TAFA1: variants seen among roughly 807,000 people sequenced by gnomAD.
The protein encoded by TAFA1 is chemokine-like protein TAFA-1.
In TAFA1, 4 loss-of-function variants were observed where a neutral mutation model predicts 18.5. The observed-to-expected ratio is 0.22, with a 90% CI of 0.11 to 0.49. The LOEUF (loss-of-function observed/expected upper bound fraction) is 0.49, where lower values mean the gene tolerates loss of function less well. TAFA1 is among the 20% of genes least tolerant of loss of function. The pLI, the probability that TAFA1 is intolerant of heterozygous loss-of-function variation, is 0.98. For missense variants in TAFA1, 147 were observed against 169.0 expected, an observed-to-expected ratio of 0.87 and a Z score of 0.72; for synonymous variants, 56 against 55.2, an observed-to-expected ratio of 1.01 and a Z score of -0.06.
At chr3:68,477,080 C>A (rs2072112800) in intron 3 of TAFA1, among the ~76,000 whole-genome samples, 1 of 152,090 alleles carries the variant, frequency 6.6e-6, no homozygotes, top group African/African-American at 2.4e-5. Flanking sequence ...CTGCTGCATT[C>A]CCCCAAGGGT....
chr3:68,080,177 T>A (rs2064878639), intron 2 of TAFA1, among the ~76,000 whole-genome samples: 1 of 152,224 alleles, frequency 6.6e-6, no homozygotes, highest in Non-Finnish European at 1.5e-5. Flanking sequence ...TAGATCTTCC[T>A]CCATCCTTTT....
chr3:68,517,395 G>GC (rs2072939603), intron 3 of TAFA1, among the ~76,000 whole-genome samples: 1 of 152,012 alleles, frequency 6.6e-6, no homozygotes, highest in South Asian at 2.1e-4. Flanking sequence ...TGTTTTAGAA[G>GC]TCAGATGGAG....
At chr3:68,036,331 C>G (rs1270671390) in intron 2 of TAFA1, among the ~76,000 whole-genome samples, 2 of 150,848 alleles carry the variant, frequency 1.3e-5, no homozygotes, top group African/African-American at 2.4e-5. Context: ...CCCAGCTACT[C>G]AGGAGGCTGA....
rs114713739 is a variant in TAFA1, at chr3:68,512,430, G to C, written c.260-26326G>C. ...TAGCTGTCTGCAATTTTCTCTACCT[G>C]CCACAAAAAATACAGATACAGTCCT... On this transcript the variant is annotated intron_variant, in intron 3 of 4. Coordinates refer to ENST00000478136, the MANE Select transcript of TAFA1 (RefSeq NM_213609.4). Among the ~76,000 whole-genome samples the C allele has an allele frequency of 7.8e-3, 1,187 of 152,110 alleles. 10 individuals carry two copies. Among genetic ancestry groups the C allele is most frequent in the African/African-American group, 0.027 (1,139 of 41,510 alleles).
chr3:68,045,844 G>C (rs1705256833), intron 2 of TAFA1, among the ~76,000 whole-genome samples: 1 of 152,106 alleles, frequency 6.6e-6, no homozygotes, highest in African/African-American at 2.4e-5. Flanking sequence ...ATTAACAAAG[G>C]GAACATTCTT....
At chr3:68,029,685 A>G (rs1431039535) in intron 2 of TAFA1, among the ~76,000 whole-genome samples, 2 of 152,230 alleles carry the variant, frequency 1.3e-5, no homozygotes, top group Non-Finnish European at 2.9e-5. Flanking sequence ...ACTATAATAC[A>G]TAAAGTAGCG....
intron 2 of TAFA1, among the ~76,000 whole-genome samples, chr3:68,094,612 A>G (rs747272279): frequency 6.6e-6 from 1 of 152,186 alleles, no homozygotes; most frequent in Non-Finnish European, 1.5e-5. Context: ...ACAGTAGGGA[A>G]CAGACATACT....
intron 2 of TAFA1, among the ~76,000 whole-genome samples, chr3:68,363,162 G>C (rs2069501747): frequency 6.6e-6 from 1 of 151,984 alleles, no homozygotes; most frequent in African/African-American, 2.4e-5. Flanking sequence ...AAGCCTGAGA[G>C]CTGGTTTTGG....
At chr3:68,050,871 T>C (rs750568546) in intron 2 of TAFA1, among the ~76,000 whole-genome samples, 39 of 152,180 alleles carry the variant, frequency 2.6e-4, no homozygotes, top group Non-Finnish European at 2.9e-5. Flanking sequence ...CCAGTAAAAC[T>C]TGATTTGCTA....
chr3:68,357,417 A>C (rs1216036040), intron 2 of TAFA1, among the ~76,000 whole-genome samples: 1 of 151,898 alleles, frequency 6.6e-6, no homozygotes. Context: ...GGCGAAAAAC[A>C]CTTGATGTCA....
intron 2 of TAFA1, among the ~76,000 whole-genome samples, chr3:68,245,370 G>T (rs1416358988): frequency 6.6e-6 from 1 of 152,108 alleles, no homozygotes; most frequent in Non-Finnish European, 1.5e-5. Flanking sequence ...TTTATTTATT[G>T]AGTCTCTAAT....
intron 2 of TAFA1, among the ~76,000 whole-genome samples, chr3:68,411,112 C>CT (rs2070708143): frequency 6.6e-6 from 1 of 152,050 alleles, no homozygotes; most frequent in South Asian, 2.1e-4. Flanking sequence ...TAAGTAAAAC[C>CT]TTTTTGTCTG....
At chr3:68,045,381 T>C (rs554527495) in intron 2 of TAFA1, among the ~76,000 whole-genome samples, 1 of 152,296 alleles carries the variant, frequency 6.6e-6, no homozygotes, top group East Asian at 1.9e-4. Context: ...TACAAAGGTA[T>C]CTGGCAAAAG....
At chr3:68,126,337 G>C (rs1476942549) in intron 2 of TAFA1, among the ~76,000 whole-genome samples, 2 of 152,298 alleles carry the variant, frequency 1.3e-5, no homozygotes, top group East Asian at 3.9e-4. Context: ...ACTTGATAAT[G>C]AGAAGATCAG....
chr3:68,300,095 C>T (rs965670969), intron 2 of TAFA1, among the ~76,000 whole-genome samples: 2 of 152,180 alleles, frequency 1.3e-5, no homozygotes, highest in Non-Finnish European at 2.9e-5. Context: ...TCCTCCAGAC[C>T]CCAGAATGGT....
At chr3:68,275,967 T>C (rs1281490942) in intron 2 of TAFA1, among the ~76,000 whole-genome samples, 1 of 152,120 alleles carries the variant, frequency 6.6e-6, no homozygotes, top group Non-Finnish European at 1.5e-5. Context: ...GTCTTCCCAC[T>C]TATTTCTGCA....
At chr3:68,416,100 T>G in intron 2 of TAFA1, among the ~76,000 whole-genome samples, 1 of 152,008 alleles carries the variant, frequency 6.6e-6, no homozygotes, top group African/African-American at 2.4e-5. Flanking sequence ...ATCAGAAATA[T>G]CTCCAAACTG....
chr3:68,231,175 G>A (rs2066866436), intron 2 of TAFA1, among the ~76,000 whole-genome samples: 1 of 151,914 alleles, frequency 6.6e-6, no homozygotes, highest in Non-Finnish European at 1.5e-5. Context: ...ACAAATTTTT[G>A]TACACATGTA....
intron 2 of TAFA1, among the ~76,000 whole-genome samples, chr3:68,308,376 A>T (rs2068456521): frequency 6.6e-6 from 1 of 152,210 alleles, no homozygotes; most frequent in Non-Finnish European, 1.5e-5. Flanking sequence ...CACTTTTGCT[A>T]CTACTATTTC....
Sources: allele counts gnomAD v4.1 joint callset (sites outside exome capture counted in the v4.1 genomes callset), GRCh38; gene constraint gnomAD v4.1.1; transcripts MANE v1.5; gene names NCBI Gene and HGNC (gene_info 2026-07-23, HGNC 2026-07-21).